Variants in CDC20B observed in about 807,000 individuals in gnomAD.
The protein encoded by CDC20B is cell division cycle 20B, also known as cell division cycle protein 20 homolog B.
CDC20B carries 58 observed loss-of-function variants against 64.1 expected under a neutral mutation model. The ratio of observed to expected loss-of-function variants is 0.90; its 90% CI spans 0.73 to 1.13. The LOEUF is 1.13. Among genes scored for constraint, CDC20B ranks in the 50% most tolerant of loss-of-function variants. The probability of loss-of-function intolerance (pLI) is 0.00; values close to 1 mark genes in which losing one functional copy is unlikely to be tolerated. For missense variants in CDC20B, 597 were observed against 633.0 expected, an observed-to-expected ratio of 0.94 and a Z score of 0.61; for synonymous variants, 243 against 230.6, an observed-to-expected ratio of 1.05 and a Z score of -0.49.
chr5:55,144,566 T>C (rs1743420300), intron 3 of CDC20B, among the ~76,000 whole-genome samples: 1 of 152,182 alleles, frequency 6.6e-6, no homozygotes. Flanking sequence ...CAATATATAT[T>C]ACATTTAGGG....
chr5:55,131,473 G>C (rs1743026526), intron 6 of CDC20B, among the ~76,000 whole-genome samples: 1 of 152,120 alleles, frequency 6.6e-6, no homozygotes, highest in African/African-American at 2.4e-5. Flanking sequence ...CAGCAAAAAA[G>C]GATGAGAAAG....
chr5:55,168,008 T>C (rs1744470775), intron 2 of CDC20B, among the ~76,000 whole-genome samples: 1 of 152,088 alleles, frequency 6.6e-6, no homozygotes, highest in Admixed American at 6.5e-5. Context: ...ATTTGTGGTG[T>C]TCCTTTGAAA....
intron 9 of CDC20B, among the ~76,000 whole-genome samples, chr5:55,121,493 A>G (rs770058397): frequency 2.7e-4 from 41 of 151,804 alleles, no homozygotes; most frequent in Middle Eastern, 3.4e-3. Context: ...GGTTGGGTTA[A>G]TTTTTTTTGG....
intron 2 of CDC20B, chr5:55,172,296 A>C (rs35770269): frequency 3.1e-6 from 1 of 325,942 alleles, no homozygotes; most frequent in East Asian, 7.3e-5. Context: ...TGCAACTAGC[A>C]ACTGTTAAAA....
chr5:55,160,602 T>C, intron 2 of CDC20B: 9 of 550,202 alleles, frequency 1.6e-5, no homozygotes, highest in Non-Finnish European at 2.8e-5. Context: ...TTCTTTAAAA[T>C]GCTTTAATTT....
chr5:55,127,425 G>T, intron 7 of CDC20B, 74 bp from the exon 8 acceptor site: 2 of 1,105,268 alleles, frequency 1.8e-6, no homozygotes, highest in Non-Finnish European at 2.8e-6. Context: ...AGGCCTGAGA[G>T]CCAATTACTG....
chr5:55,132,503 G>C (rs1743055645), intron 6 of CDC20B, among the ~76,000 whole-genome samples: 1 of 152,072 alleles, frequency 6.6e-6, no homozygotes, highest in Non-Finnish European at 1.5e-5. Flanking sequence ...CACCTCCTCT[G>C]CCAATCTGTC....
intron 7 of CDC20B, 22 bp downstream of exon 7, chr5:55,128,399 A>G (rs1235840477): frequency 1.6e-6 from 2 of 1,233,844 alleles, no homozygotes; most frequent in East Asian, 2.9e-5. Context: ...ACATGATGAG[A>G]AAAAAAAAAA....
intron 6 of CDC20B, among the ~76,000 whole-genome samples, chr5:55,132,794 A>G (rs1056229339): frequency 6.6e-6 from 1 of 152,200 alleles, no homozygotes; most frequent in Non-Finnish European, 1.5e-5. Flanking sequence ...CTTCATTGCC[A>G]TTAAATATCT....
rs758658501 is a variant in CDC20B, at chr5:55,128,433, C to T, written c.882G>A (p.Glu294=). ...AACTGGCCAGTACTTGCACTTCTCC[C>T]TCGCTGGTGCCAACTGCCAGGCAAG... The part of the protein sequence containing the change: ...EGTCLAVGTS[E]GEVQLWDVVT... Residue 294 remains glutamate (E), a synonymous_variant, in exon 7 of 12, where the codon GAG becomes GAA. Coordinates refer to ENST00000381375, the MANE Select transcript of CDC20B (RefSeq NM_001170402.1). The T allele has an allele frequency of 2.5e-6, 4 of 1,603,050 alleles. No homozygotes were observed. The African/African-American group carries it at 5.4e-5, about 22-fold the overall frequency.
At chr5:55,147,214 ATGTTT>A (rs1350113947) in intron 2 of CDC20B, among the ~76,000 whole-genome samples, 3 of 45,770 alleles carry the variant, frequency 6.6e-5, no homozygotes, top group African/African-American at 2.3e-4. Flanking sequence ...TAAATATGTT[ATGTTT>A]TATATATTTA....
At chr5:55,138,154 A>G (rs890313976) in intron 5 of CDC20B, among the ~76,000 whole-genome samples, 1 of 119,362 alleles carries the variant, frequency 8.4e-6, no homozygotes, top group Non-Finnish European at 1.7e-5. Context: ...ACAAAAAAAT[A>G]GATTTTGAGT....
chr5:55,143,866 T>C (rs898327254), intron 3 of CDC20B, among the ~76,000 whole-genome samples: 5 of 152,088 alleles, frequency 3.3e-5, no homozygotes, highest in African/African-American at 1.2e-4. Flanking sequence ...TCCAGACTGC[T>C]GACTTCATAA....
intron 7 of CDC20B, among the ~76,000 whole-genome samples, chr5:55,127,589 T>C (rs536576982): frequency 8.8e-4 from 134 of 152,284 alleles, no homozygotes; most frequent in Admixed American, 7.8e-4. Context: ...ATGGCAGTTG[T>C]TTTAAAGCTC....
chr5:55,150,454 GCT>G (rs1432771574), intron 2 of CDC20B, among the ~76,000 whole-genome samples: 1 of 152,212 alleles, frequency 6.6e-6, no homozygotes, highest in African/African-American at 2.4e-5. Context: ...GGCGAGGCCG[GCT>G]CTCTCTCCAC....
chr5:55,164,379 C>A, intron 2 of CDC20B: 1 of 415,932 alleles, frequency 2.4e-6, no homozygotes, highest in Non-Finnish European at 4.1e-6. Context: ...TTTAAACATG[C>A]TATTAAATGT....
chr5:55,157,828 T>C (rs1743857992), intron 2 of CDC20B, among the ~76,000 whole-genome samples: 1 of 152,148 alleles, frequency 6.6e-6, no homozygotes, highest in Non-Finnish European at 1.5e-5. Flanking sequence ...CGGTGGTCAG[T>C]CAACATCCCT....
At position 55,119,864 on chromosome 5, in the gene CDC20B, T is replaced by G. The variant is rs1231638516; in HGVS notation, c.1396A>C (p.Thr466Pro). 1 of 1,614,054 alleles carries G rather than the reference T, an allele frequency of 6.2e-7. No homozygotes were observed. The highest frequency in any genetic ancestry group is 1.7e-5 in the Admixed American group (1 of 60,022). The change falls in exon 11 of 12, where the codon ACT becomes CCT. Residue 466 changes from threonine to proline, a missense_variant. Thr to Pro is a conservative substitution (Grantham distance 38, BLOSUM62 -1). This residue lies in a region of CDC20B where 353 missense variants were observed against 397.0 expected (regional missense o/e 0.89). Transcript: ENST00000381375. ...KTKEIATGQG[T>P]PKNDVTVWTC... ...CACACAGTCACATCATTCTTGGGAG[T>G]ACCTTGACCAGTTGCAATCTCCTTT...
intron 6 of CDC20B, among the ~76,000 whole-genome samples, chr5:55,130,951 A>G (rs1743013385): frequency 6.6e-6 from 1 of 151,920 alleles, no homozygotes; most frequent in African/African-American, 2.4e-5. Context: ...GTAAGACCCC[A>G]TCTCTATAAA....
Sources: allele counts gnomAD v4.1 joint callset (sites outside exome capture counted in the v4.1 genomes callset), GRCh38; gene constraint gnomAD v4.1.1; regional missense constraint gnomAD v4.1.1; transcripts MANE v1.5; gene names NCBI Gene and HGNC (gene_info 2026-07-23, HGNC 2026-07-21).